POMP: variants seen among roughly 807,000 people sequenced by gnomAD.
POMP encodes the protein 2510048O06Rik.
A neutral mutation model predicts 20.6 loss-of-function variants in POMP; 12 were observed. The ratio of observed to expected loss-of-function variants is 0.58; its 90% confidence interval spans 0.37 to 0.94. The LOEUF is 0.94. POMP is among the 40% of genes least tolerant of loss of function. The probability of loss-of-function intolerance (pLI) is 0.01; values close to 1 mark genes in which losing one functional copy is unlikely to be tolerated. For synonymous variants in POMP, 53 were observed against 55.0 expected (o/e 0.96, Z 0.16); for missense variants, 136 against 161.1 (o/e 0.84, Z 0.84).
Position 28,678,209 on chromosome 13 carries a change from C to A in POMP, c.*107C>A. The A allele has an allele frequency of 8.9e-7, 1 of 1,120,598 alleles. No individual in the cohort carries two copies. The highest frequency in any genetic ancestry group is 1.4e-6 in the Non-Finnish European group (1 of 740,038). The allele number at this position is 1,120,598 out of a possible 1,614,324, so 69.4% of individuals were successfully genotyped here. On this transcript the variant is annotated 3_prime_UTR_variant, in exon 6 of 6. Transcript: ENST00000380842. Reference sequence around the variant, plus strand: ...AAGTACTGACACCTGAGAATTTCTGCTCAAGTAGTATCAGTGATCATTTAA... The same window carrying A: ...AAGTACTGACACCTGAGAATTTCTGATCAAGTAGTATCAGTGATCATTTAA...
At chr13:28,675,143 A>AT (rs368292851) in intron 5 of POMP, among the ~76,000 whole-genome samples, 22,267 of 150,388 alleles carry the variant, frequency 0.15, 2,103 homozygotes, top group East Asian at 0.29. Context: ...GTTTAGGTAG[A>AT]TTTTTTTTGT....
intron 5 of POMP, among the ~76,000 whole-genome samples, chr13:28,672,667 T>C (rs1438586073): frequency 6.6e-6 from 1 of 152,010 alleles, no homozygotes. Flanking sequence ...GAGGCCGGGG[T>C]GGGCAGATCA....
At chr13:28,677,180 T>C (rs1365348534) in intron 5 of POMP, among the ~76,000 whole-genome samples, 1 of 151,902 alleles carries the variant, frequency 6.6e-6, no homozygotes, top group Admixed American at 6.5e-5. Flanking sequence ...CGTGTCTTTC[T>C]ATGTAGTCAA....
chr13:28,659,963 T>G (rs919750044), intron 1 of POMP: 2 of 152,240 alleles, frequency 1.3e-5, no homozygotes, highest in East Asian at 1.9e-4. Flanking sequence ...TTAGGCACTC[T>G]CAAATGTAAC....
At chr13:28,674,655 A>G (rs1445688781) in intron 5 of POMP, among the ~76,000 whole-genome samples, 1 of 152,220 alleles carries the variant, frequency 6.6e-6, no homozygotes, top group Non-Finnish European at 1.5e-5. Flanking sequence ...CAGACCATGA[A>G]AAGAAGTTTA....
chr13:28,676,177 T>C (rs924418680), intron 5 of POMP, among the ~76,000 whole-genome samples: 1 of 152,126 alleles, frequency 6.6e-6, no homozygotes, highest in Non-Finnish European at 1.5e-5. Context: ...GCTAATTTTT[T>C]GTATTTTTAC....
intron 5 of POMP, among the ~76,000 whole-genome samples, chr13:28,674,886 T>TA (rs1008421593): frequency 1.3e-4 from 20 of 151,304 alleles, no homozygotes; most frequent in Admixed American, 3.3e-4. Flanking sequence ...TTTTTTTTTT[T>TA]AAATTAATTG....
At chr13:28,674,378 A>T (rs750832636) in intron 5 of POMP, among the ~76,000 whole-genome samples, 24 of 152,216 alleles carry the variant, frequency 1.6e-4, no homozygotes, top group Non-Finnish European at 2.6e-4. Context: ...AGGCCACCTC[A>T]GCCTTATAAC....
intron 4 of POMP, among the ~76,000 whole-genome samples, chr13:28,669,580 A>G (rs868007535): frequency 3.9e-5 from 6 of 152,216 alleles, no homozygotes; most frequent in African/African-American, 1.4e-4. Context: ...GGCTCTTGCT[A>G]TGTTGCCTAG....
At chr13:28,670,973 G>A (rs774510099) in intron 4 of POMP, among the ~76,000 whole-genome samples, 2 of 152,174 alleles carry the variant, frequency 1.3e-5, no homozygotes, top group Non-Finnish European at 2.9e-5. Context: ...CCTGAACCCA[G>A]GAGACAGAGG....
intron 3 of POMP, among the ~76,000 whole-genome samples, chr13:28,666,730 C>T (rs1884454974): frequency 6.6e-6 from 1 of 152,200 alleles, no homozygotes; most frequent in Non-Finnish European, 1.5e-5. Flanking sequence ...TGGCATATTG[C>T]TGGCCTCTAG....
chr13:28,675,926 TC>T (rs1395002196), intron 5 of POMP, among the ~76,000 whole-genome samples: 2 of 152,124 alleles, frequency 1.3e-5, no homozygotes, highest in Non-Finnish European at 2.9e-5. Context: ...AACTCACTTA[TC>T]CGGGGGGTGG....
chr13:28,673,491 A>T (rs963838313), intron 5 of POMP, among the ~76,000 whole-genome samples: 1 of 152,242 alleles, frequency 6.6e-6, no homozygotes, highest in African/African-American at 2.4e-5. Flanking sequence ...ATCCTGTCCA[A>T]TGCTGCCTCT....
rs529219121 is a variant in POMP at position 28,673,245 on chromosome 13, ATT to A, written c.358+817_358+818del. ...ATCACCACACCCGGCTAATTTTTGT[ATT>A]TTTAGTAGAGACGGGGTTTTACCAT... On this transcript the variant is annotated intron_variant, in intron 5 of 5. Transcript: ENST00000380842. Among the ~76,000 whole-genome samples the A allele has an allele frequency of 1.5e-4, 23 of 151,934 alleles. No individual in the cohort carries two copies. In the East Asian group the frequency reaches 3.3e-3, roughly 22 times the overall value.
chr13:28,663,492 T>G (rs1884385047), intron 2 of POMP, among the ~76,000 whole-genome samples: 1 of 152,136 alleles, frequency 6.6e-6, no homozygotes, highest in Non-Finnish European at 1.5e-5. Flanking sequence ...GTATTTTTAG[T>G]AGAGACGGGG....
intron 5 of POMP, among the ~76,000 whole-genome samples, chr13:28,675,848 G>A (rs1884618965): frequency 6.6e-6 from 1 of 152,016 alleles, no homozygotes. Flanking sequence ...ATGGCGAGAG[G>A]GAGCAAGAGA....
chr13:28,672,409 T>C lies in POMP; in HGVS notation c.335T>C (p.Ile112Thr), dbSNP rs889299780. The C allele has an allele frequency of 5.0e-6, 8 of 1,603,466 alleles. No individual in the cohort carries two copies. Among genetic ancestry groups the C allele is most frequent in the African/African-American group, 4.0e-5 (3 of 74,652 alleles). ...LDVLRGNDET[I>T]GFEDILNDPS... ...GTTTTGAGGGGTAATGATGAGACTA[T>C]TGGATTTGAGGATATTCTTAATGGT... The change falls in exon 5 of 6, where the codon ATT (isoleucine) becomes ACT (threonine). Residue 112 changes from isoleucine to threonine, a missense_variant. Coordinates refer to ENST00000380842, the MANE Select transcript of POMP (RefSeq NM_015932.6).
intron 5 of POMP, 53 bp from the exon 6 acceptor site, chr13:28,677,982 A>G: frequency 1.3e-6 from 2 of 1,528,338 alleles, no homozygotes; most frequent in Non-Finnish European, 1.8e-6. Context: ...GAATCATTGA[A>G]TGTATCTCTT....
chr13:28,662,047 A>C (rs1161970133), intron 1 of POMP, among the ~76,000 whole-genome samples: 1 of 152,166 alleles, frequency 6.6e-6, no homozygotes, highest in African/African-American at 2.4e-5. Context: ...TTTGTATTTC[A>C]TCAGCCTTTA....
Sources: gnomAD v4.1 joint callset for allele counts (sites outside exome capture counted in the v4.1 genomes callset) on GRCh38, gnomAD v4.1.1 for gene constraint, MANE v1.5 for transcripts, NCBI Gene and HGNC (gene_info 2026-07-23, HGNC 2026-07-21) for gene names.